Variants in FYB2 observed in about 807,000 individuals in gnomAD.
FYB2 encodes the protein FYN-binding protein 2.
In FYB2, 103 loss-of-function variants were observed where a neutral mutation model predicts 94.1. That is an observed-to-expected ratio of 1.09 (90% CI 0.93 to 1.29). The LOEUF (loss-of-function observed/expected upper bound fraction) is 1.29, where lower values mean the gene tolerates loss of function less well. Among genes scored for constraint, FYB2 ranks in the 50% most tolerant of loss-of-function variants. The pLI is 0.00. For synonymous variants in FYB2, 293 were observed against 287.9 expected (o/e 1.02, Z -0.18); for missense variants, 896 against 841.5 (o/e 1.06, Z -0.80).
chr1:56,789,039 G>T lies in FYB2; in HGVS notation c.853C>A (p.Pro285Thr). ...LGPPPPKPSRPPIVNLQAFQR... is the reference protein window; with the variant it reads ...LGPPPPKPSRTPIVNLQAFQR... ...AAGGCCTGGAGGTTCACGATGGGAG[G>T]TCTTGAAGGCTTTGGGGGAGGAGGA... The change falls in exon 3 of 20, where the codon CCT (proline) becomes ACT (threonine). Residue 285 changes from proline to threonine, a missense_variant. By Grantham distance (38) the Pro-to-Thr change is conservative (BLOSUM62 -1). Transcript: ENST00000343433. 1 of 1,614,152 alleles carries T rather than the reference G, an allele frequency of 6.2e-7. No homozygotes were observed. Among genetic ancestry groups the T allele is most frequent in the African/African-American group, 1.3e-5 (1 of 75,058 alleles).
At chr1:56,754,564 A>G (rs1332431936) in intron 7 of FYB2, among the ~76,000 whole-genome samples, 1 of 152,078 alleles carries the variant, frequency 6.6e-6, no homozygotes, top group Non-Finnish European at 1.5e-5. Flanking sequence ...AGGCAGAACT[A>G]TCTTATTCAC....
upstream of FYB2, among the ~76,000 whole-genome samples, chr1:56,821,108 G>A (rs1646985738): frequency 1.3e-5 from 2 of 152,196 alleles, no homozygotes; most frequent in Non-Finnish European, 2.9e-5. Context: ...ATGTGTATAA[G>A]TTTGTAAATA....
chr1:56,771,957 ATTTTC>A (rs2100837945), intron 4 of FYB2, among the ~76,000 whole-genome samples: 1 of 150,908 alleles, frequency 6.6e-6, no homozygotes, highest in East Asian at 1.9e-4. Flanking sequence ...TATTTTGCAT[ATTTTC>A]TAGTTTTCTT....
Position 56,788,994 on chromosome 1 carries a change from C to A in FYB2, c.898G>T (p.Val300Phe). The change falls in exon 3 of 20, where the codon GTT becomes TTT. Residue 300 changes from valine (V) to phenylalanine (F), a missense_variant. By Grantham distance (50) the Val-to-Phe change is conservative (BLOSUM62 -1). Coordinates refer to ENST00000343433, the MANE Select transcript of FYB2 (RefSeq NM_001004303.5). ...TTACCTTCCCCCTGAGTCTTGGGAA[C>A]AGCAGCTGGCTGCCTCTGAAAGGCC... ...LQAFQRQPAA[V>F]PKTQGEVTVE... 4 of 1,614,028 alleles carry A rather than the reference C, an allele frequency of 2.5e-6. No individual in the cohort carries two copies. The highest frequency in any genetic ancestry group is 3.4e-6 in the Non-Finnish European group (4 of 1,179,972).
chr1:56,784,694 C>T (rs757487908), intron 4 of FYB2, among the ~76,000 whole-genome samples: 1 of 152,126 alleles, frequency 6.6e-6, no homozygotes, highest in Non-Finnish European at 1.5e-5. Flanking sequence ...TCCTTCCCAA[C>T]CTCCTTGCTT....
intron 1 of FYB2, among the ~76,000 whole-genome samples, chr1:56,811,182 T>G (rs1040298292): frequency 2.6e-5 from 4 of 152,132 alleles, no homozygotes; most frequent in African/African-American, 9.7e-5. Context: ...AGCCAAAAAG[T>G]GGTAGCACTG....
intron 4 of FYB2, among the ~76,000 whole-genome samples, chr1:56,778,057 T>A (rs994582997): frequency 2.6e-5 from 4 of 152,158 alleles, no homozygotes; most frequent in Admixed American, 2.0e-4. Flanking sequence ...TCCTCACTCA[T>A]CACTCTCCAA....
upstream of FYB2, among the ~76,000 whole-genome samples, chr1:56,820,565 CG>C (rs983476451): frequency 6.6e-6 from 1 of 152,150 alleles, no homozygotes; most frequent in African/African-American, 2.4e-5. Flanking sequence ...CAGGGAGAGG[CG>C]GGGTGGAGCA....
intron 4 of FYB2, among the ~76,000 whole-genome samples, chr1:56,780,993 C>T (rs940327140): frequency 2.6e-5 from 4 of 152,160 alleles, no homozygotes; most frequent in Non-Finnish European, 5.9e-5. Flanking sequence ...CTGGGACTTC[C>T]TGGCCTGCTT....
intron 4 of FYB2, among the ~76,000 whole-genome samples, chr1:56,786,081 G>C (rs770712040): frequency 3.0e-4 from 45 of 152,158 alleles, no homozygotes; most frequent in Non-Finnish European, 4.6e-4. Context: ...ATGGTGCCAA[G>C]TCAAGGTGCC....
intron 4 of FYB2, among the ~76,000 whole-genome samples, chr1:56,785,401 C>T (rs10889015): frequency 0.6 from 91,007 of 152,042 alleles, 27,919 homozygotes; most frequent in African/African-American, 0.72. Context: ...ATTGAGTAAA[C>T]GGTGCAAACC....
chr1:56,826,606 T>A, the FYB2 span: 5 of 152,432 alleles, frequency 3.3e-5, no homozygotes, highest in Admixed American at 3.3e-4. Flanking sequence ...GTGCCAGTGA[T>A]GCCCCTGCAT....
At chr1:56,762,764 C>T (rs1645529114) in intron 5 of FYB2, among the ~76,000 whole-genome samples, 1 of 152,152 alleles carries the variant, frequency 6.6e-6, no homozygotes, top group Non-Finnish European at 1.5e-5. Flanking sequence ...CTAGAACGTC[C>T]AGCACTATGT....
chr1:56,730,231 C>T (rs1011435137), intron 15 of FYB2, among the ~76,000 whole-genome samples: 1 of 135,602 alleles, frequency 7.4e-6, no homozygotes, highest in African/African-American at 2.8e-5. Context: ...ATCAATGAAA[C>T]AAAAAGCTGG....
At chr1:56,816,660 A>G (rs369674988) in intron 1 of FYB2, among the ~76,000 whole-genome samples, 1 of 152,202 alleles carries the variant, frequency 6.6e-6, no homozygotes, top group Non-Finnish European at 1.5e-5. Context: ...TAGATAATGT[A>G]GATATATTAT....
intron 1 of FYB2, among the ~76,000 whole-genome samples, chr1:56,796,831 T>A (rs1428489043): frequency 2.0e-5 from 3 of 152,192 alleles, no homozygotes; most frequent in Non-Finnish European, 4.4e-5. Flanking sequence ...TCTCTCTAAT[T>A]TCTTGAACTA....
intron 1 of FYB2, among the ~76,000 whole-genome samples, chr1:56,795,608 G>T (rs752389118): frequency 2.0e-5 from 3 of 150,910 alleles, no homozygotes; most frequent in Non-Finnish European, 4.4e-5. Context: ...AGTGTACAGG[G>T]GTTCCAATTT....
intron 1 of FYB2, among the ~76,000 whole-genome samples, chr1:56,800,384 G>A (rs1646491657): frequency 6.6e-6 from 1 of 152,030 alleles, no homozygotes; most frequent in Non-Finnish European, 1.5e-5. Context: ...TGAAGGGATA[G>A]GAACAACAGA....
chr1:56,766,137 A>G (rs975326941), intron 5 of FYB2, among the ~76,000 whole-genome samples: 1 of 152,198 alleles, frequency 6.6e-6, no homozygotes, highest in Non-Finnish European at 1.5e-5. Context: ...GATATCACCA[A>G]GGAACTTGTT....
Sources: allele counts gnomAD v4.1 joint callset (sites outside exome capture counted in the v4.1 genomes callset), GRCh38; gene constraint gnomAD v4.1.1; transcripts MANE v1.5; gene names NCBI Gene and HGNC (gene_info 2026-07-23, HGNC 2026-07-21).